Variants in PDGFD observed in about 807,000 individuals in gnomAD.
PDGFD encodes platelet derived growth factor D.
A neutral mutation model predicts 44.7 loss-of-function variants in PDGFD; 30 were observed. The observed-to-expected ratio is 0.67, with a 90% CI of 0.50 to 0.91. PDGFD has a LOEUF of 0.91. PDGFD is among the 40% of genes least tolerant of loss of function. The pLI is 0.00. For missense variants in PDGFD, 445 were observed against 457.8 expected (o/e 0.97, Z 0.25); for synonymous variants, 173 against 168.4 (o/e 1.03, Z -0.21).
intron 5 of PDGFD, among the ~76,000 whole-genome samples, chr11:103,928,393 C>T (rs1279335506): frequency 1.3e-5 from 2 of 152,190 alleles, no homozygotes; most frequent in East Asian, 3.9e-4. Flanking sequence ...CATGTTCATT[C>T]TAAACTCTAG....
chr11:104,079,518 G>C (rs1039426183), intron 1 of PDGFD, among the ~76,000 whole-genome samples: 3 of 152,056 alleles, frequency 2.0e-5, no homozygotes, highest in Non-Finnish European at 4.4e-5. Context: ...CTCCCAAGTA[G>C]CTGGAATTAC....
Position 104,099,457 on chromosome 11 carries a change from T to C in PDGFD, c.124+64347A>G, listed in dbSNP as rs555262548. ...TAGTACTAGACCAGCCTGGGCAACA[T>C]GGTGAAATGCTGTCTCTACAAAAAA... On this transcript the variant is annotated intron_variant, in intron 1 of 6. Coordinates refer to ENST00000393158, the MANE Select transcript of PDGFD (RefSeq NM_025208.5). Among the ~76,000 whole-genome samples, 37 of 151,898 alleles carry C rather than the reference T, an allele frequency of 2.4e-4. No homozygotes were observed. The South Asian group carries it at 7.7e-3, about 32-fold the overall frequency.
intron 1 of PDGFD, among the ~76,000 whole-genome samples, chr11:104,071,440 G>T (rs1860876105): frequency 6.6e-6 from 1 of 151,588 alleles, no homozygotes; most frequent in Non-Finnish European, 1.5e-5. Context: ...GTGTGTGTGT[G>T]TGTGTGTGTT....
chr11:104,051,101 A>G lies in PDGFD; in HGVS notation c.125-50846T>C, dbSNP rs971771177. 4.6e-3 allele frequency among the ~76,000 whole-genome samples: 700 copies of G among 152,114 alleles called. 5 individuals carry two copies. Among genetic ancestry groups the G allele is most frequent in the African/African-American group, 0.016 (665 of 41,504 alleles). ...ACAGGCAGCACAAGGTGATACAGGAAAAAAAAATGCCCTCCATTATGATGA... is the reference window on the plus strand; with the variant it reads ...ACAGGCAGCACAAGGTGATACAGGAGAAAAAAATGCCCTCCATTATGATGA... On this transcript the variant is annotated intron_variant, in intron 1 of 6. Transcript: ENST00000393158.
chr11:103,940,794 G>A (rs1858571648), intron 5 of PDGFD, among the ~76,000 whole-genome samples: 1 of 152,014 alleles, frequency 6.6e-6, no homozygotes, highest in Admixed American at 6.6e-5. Context: ...AATGCCTTAG[G>A]GCCATTTTAA....
intron 1 of PDGFD, among the ~76,000 whole-genome samples, chr11:104,095,545 C>T (rs1039587066): frequency 6.6e-6 from 1 of 151,928 alleles, no homozygotes; most frequent in East Asian, 1.9e-4. Context: ...TCCTGTCACA[C>T]AGTCCTTACT....
intron 1 of PDGFD, among the ~76,000 whole-genome samples, chr11:104,110,206 G>T (rs1385915241): frequency 1.3e-5 from 2 of 151,998 alleles, no homozygotes; most frequent in African/African-American, 4.8e-5. Context: ...TAGAAAGCTG[G>T]GGAAGTTGAT....
intron 1 of PDGFD, among the ~76,000 whole-genome samples, chr11:104,095,270 T>C (rs528576593): frequency 6.6e-6 from 1 of 152,236 alleles, no homozygotes; most frequent in East Asian, 1.9e-4. Context: ...ATCTCCATAA[T>C]GGAAAGAGTT....
chr11:104,069,855 G>A (rs1486524033), intron 1 of PDGFD, among the ~76,000 whole-genome samples: 2 of 152,080 alleles, frequency 1.3e-5, no homozygotes, highest in African/African-American at 4.8e-5. Flanking sequence ...GCGAGACTCC[G>A]TCTCAAAAGA....
chr11:103,983,595 T>C (rs1158066609), intron 3 of PDGFD, among the ~76,000 whole-genome samples: 1 of 151,834 alleles, frequency 6.6e-6, no homozygotes, highest in African/African-American at 2.4e-5. Flanking sequence ...AAAGAGCTTC[T>C]GCACAGCAAA....
intron 2 of PDGFD, among the ~76,000 whole-genome samples, chr11:103,999,764 G>C (rs1859591110): frequency 6.6e-6 from 1 of 152,178 alleles, no homozygotes; most frequent in African/African-American, 2.4e-5. Context: ...ATGCTGCTCT[G>C]TGCCTGGAAA....
chr11:104,115,898 T>C (rs752447029), intron 1 of PDGFD, among the ~76,000 whole-genome samples: 2 of 152,086 alleles, frequency 1.3e-5, no homozygotes, highest in Non-Finnish European at 2.9e-5. Flanking sequence ...GTTTTTTTTC[T>C]TGCTAATTTG....
At position 104,162,196 on chromosome 11, in the gene PDGFD, A is replaced by G. The variant is rs185013820; in HGVS notation, c.124+1608T>C. Among the ~76,000 whole-genome samples, 55 of 151,968 alleles carry G rather than the reference A, an allele frequency of 3.6e-4. No individual in the cohort carries two copies. The East Asian group carries it at 0.01, about 29-fold the overall frequency. On this transcript the variant is annotated intron_variant, in intron 1 of 6. Transcript: ENST00000393158. ...GCTACATAACTTGGTTTTAGTCAGAATCTTGGGTTAATGGGCAATGGTTAC... is the reference window on the plus strand; with the variant it reads ...GCTACATAACTTGGTTTTAGTCAGAGTCTTGGGTTAATGGGCAATGGTTAC...
intron 1 of PDGFD, among the ~76,000 whole-genome samples, chr11:104,020,520 T>C (rs1859933475): frequency 6.6e-6 from 1 of 152,158 alleles, no homozygotes. Context: ...ACATCACATA[T>C]GCATTTTAAA....
intron 1 of PDGFD, among the ~76,000 whole-genome samples, chr11:104,150,268 T>C (rs1591187718): frequency 6.6e-6 from 1 of 152,016 alleles, no homozygotes; most frequent in South Asian, 2.1e-4. Context: ...ATCTGAAAAG[T>C]CCATAAGATT....
In PDGFD at chr11:104,090,580, C is replaced by T. The variant is rs193141631; in HGVS notation, c.124+73224G>A. On this transcript the variant is annotated intron_variant, in intron 1 of 6. Coordinates refer to ENST00000393158, the MANE Select transcript of PDGFD (RefSeq NM_025208.5). ...GGAGGTGGAGGTTGCAGTGAGCCGA[C>T]ATCACACCACTGCATTCCAGCCTGA... 1.4e-4 allele frequency among the ~76,000 whole-genome samples: 21 copies of T among 149,666 alleles called. No individual in the cohort carries two copies. The East Asian group carries it at 4.1e-3, about 29-fold the overall frequency.
At chr11:104,162,149 C>CA (rs5794296) in intron 1 of PDGFD, among the ~76,000 whole-genome samples, 32,041 of 138,432 alleles carry the variant, frequency 0.23, 3,371 homozygotes, top group Middle Eastern at 0.3. Context: ...TATTCTCTTT[C>CA]AAAAAAAAAA....
At chr11:104,000,276 T>C (rs772772742) in intron 1 of PDGFD, 21 bp from the exon 2 acceptor site, 19 of 1,589,920 alleles carry the variant, frequency 1.2e-5, no homozygotes, top group East Asian at 2.2e-5. Flanking sequence ...TCACAACTTG[T>C]AGAAATTAGT....
At chr11:104,118,955 C>A (rs187273414) in intron 1 of PDGFD, among the ~76,000 whole-genome samples, 1,142 of 22,922 alleles carry the variant, frequency 0.05, 88 homozygotes, top group African/African-American at 0.056. Flanking sequence ...AATAATATAT[C>A]ATAATAAAAC....
Sources: allele counts gnomAD v4.1 joint callset (sites outside exome capture counted in the v4.1 genomes callset), GRCh38; gene constraint gnomAD v4.1.1; transcripts MANE v1.5; gene names NCBI Gene and HGNC (gene_info 2026-07-23, HGNC 2026-07-21).